PANK1: variants seen among roughly 807,000 people sequenced by gnomAD.
PANK1 encodes pantothenate kinase 1.
A neutral mutation model predicts 40.1 loss-of-function variants in PANK1; 18 were observed. That is an observed-to-expected ratio of 0.45 (90% CI 0.31 to 0.67). The LOEUF (loss-of-function observed/expected upper bound fraction) is 0.67, where lower values mean the gene tolerates loss of function less well. Among genes scored for constraint, PANK1 ranks in the 30% least tolerant of loss-of-function variants. The probability of loss-of-function intolerance (pLI) is 0.06; values close to 1 mark genes in which losing one functional copy is unlikely to be tolerated. For missense variants in PANK1, 457 were observed against 599.6 expected (o/e 0.76, Z 2.48); for synonymous variants, 242 against 237.7 (o/e 1.02, Z -0.17).
At chr10:89,638,281 G>T (rs1254603341) in intron 1 of PANK1, among the ~76,000 whole-genome samples, 1 of 152,150 alleles carries the variant, frequency 6.6e-6, no homozygotes, top group East Asian at 1.9e-4. Context: ...CTATATGTGG[G>T]GCATGACTGT....
At chr10:89,637,461 T>C (rs1841855303) in intron 1 of PANK1, among the ~76,000 whole-genome samples, 1 of 152,240 alleles carries the variant, frequency 6.6e-6, no homozygotes, top group South Asian at 2.1e-4. Context: ...TGTAAACCTG[T>C]ACAGCATGTT....
chr10:89,591,092 G>T (rs891412839), intron 5 of PANK1, among the ~76,000 whole-genome samples: 1 of 151,972 alleles, frequency 6.6e-6, no homozygotes, highest in Non-Finnish European at 1.5e-5. Flanking sequence ...GTATATGGAG[G>T]GTGAATTGTA....
intron 2 of PANK1, among the ~76,000 whole-genome samples, chr10:89,606,342 C>A (rs1203828290): frequency 6.6e-5 from 10 of 152,220 alleles, no homozygotes; most frequent in Non-Finnish European, 8.8e-5. Context: ...AAGGCTATTT[C>A]ATCTATACTG....
rs147087302 is a variant in PANK1, at chr10:89,611,343, G to A, written c.645+353C>T. 7.4e-3 allele frequency among the ~76,000 whole-genome samples: 1,122 copies of A among 152,278 alleles called. 13 individuals are homozygous for A. The highest frequency in any genetic ancestry group is 0.026 in the African/African-American group (1,082 of 41,546). ...TATATATGCATAAAGTTGGCATCAC[G>A]ATTATATAGTAAAAGTCTGTGGTCA... On this transcript the variant is annotated intron_variant, in intron 2 of 6. Coordinates refer to ENST00000307534, the MANE Select transcript of PANK1 (RefSeq NM_148977.3).
intron 4 of PANK1, among the ~76,000 whole-genome samples, chr10:89,593,577 G>A (rs1844473886): frequency 6.6e-6 from 1 of 152,174 alleles, no homozygotes; most frequent in Admixed American, 6.5e-5. Context: ...TGGAACAGGT[G>A]AAACTATTGC....
intron 2 of PANK1, among the ~76,000 whole-genome samples, chr10:89,603,351 T>C (rs1303349973): frequency 2.0e-5 from 3 of 152,162 alleles, no homozygotes; most frequent in South Asian, 2.1e-4. Context: ...TTAGCACTTT[T>C]GGAGAGTATC....
At chr10:89,593,088 G>T in intron 5 of PANK1, 109 bp downstream of exon 5, 1 of 1,114,504 alleles carries the variant, frequency 9.0e-7, no homozygotes, top group Non-Finnish European at 1.3e-6. Context: ...TAGAGTAAAG[G>T]GAAGCTTTCC....
At chr10:89,613,324 C>T (rs530558597) in intron 1 of PANK1, among the ~76,000 whole-genome samples, 40 of 152,102 alleles carry the variant, frequency 2.6e-4, no homozygotes, top group Non-Finnish European at 5.4e-4. Flanking sequence ...TTTATTTCAG[C>T]CCTAGAGAAC....
chr10:89,588,061 T>C (rs1326531208), intron 6 of PANK1, among the ~76,000 whole-genome samples: 1 of 152,212 alleles, frequency 6.6e-6, no homozygotes, highest in Non-Finnish European at 1.5e-5. Context: ...CACAAATAAG[T>C]GAGGACATGT....
intron 1 of PANK1, among the ~76,000 whole-genome samples, chr10:89,630,519 G>A (rs1420673630): frequency 6.7e-6 from 1 of 148,586 alleles, no homozygotes; most frequent in Non-Finnish European, 1.5e-5. Context: ...TTGAGACGGA[G>A]TCTCGCTCTG....
At chr10:89,596,408 G>A (rs1446795255) in intron 3 of PANK1, among the ~76,000 whole-genome samples, 2 of 152,176 alleles carry the variant, frequency 1.3e-5, no homozygotes, top group Non-Finnish European at 2.9e-5. Flanking sequence ...AATGAAAAAG[G>A]GCAAGTGCCT....
In PANK1 at chr10:89,645,160, C is replaced by T; in HGVS notation, c.-269G>A. On this transcript the variant is annotated 5_prime_UTR_variant, in exon 1 of 7. Coordinates refer to ENST00000307534, the MANE Select transcript of PANK1 (RefSeq NM_148977.3). ...CGCGGAATCGGGGATCCCCGCGCAC[C>T]CCCAGCCGGGGCTCCCGCCGCCCGC... 8 of 1,541,236 alleles carry T rather than the reference C, an allele frequency of 5.2e-6. No homozygotes were observed. The highest frequency in any genetic ancestry group is 7.0e-6 in the Non-Finnish European group (8 of 1,147,560).
chr10:89,599,834 T>C (rs1479386025), intron 2 of PANK1, among the ~76,000 whole-genome samples: 1 of 152,074 alleles, frequency 6.6e-6, no homozygotes, highest in Non-Finnish European at 1.5e-5. Flanking sequence ...GTGACTTTAT[T>C]TGGAAAAAGG....
At chr10:89,639,505 G>C (rs1346821539) in intron 1 of PANK1, among the ~76,000 whole-genome samples, 1 of 152,112 alleles carries the variant, frequency 6.6e-6, no homozygotes, top group East Asian at 1.9e-4. Flanking sequence ...TTCCACATTG[G>C]GTTCTTACTA....
At chr10:89,612,514 A>T (rs1008132372) in intron 1 of PANK1, among the ~76,000 whole-genome samples, 1 of 152,220 alleles carries the variant, frequency 6.6e-6, no homozygotes, top group Non-Finnish European at 1.5e-5. Flanking sequence ...GGGTGTACCA[A>T]GAGATGGTAT....
At chr10:89,597,386 G>T (rs915402456) in intron 3 of PANK1, among the ~76,000 whole-genome samples, 3 of 152,110 alleles carry the variant, frequency 2.0e-5, no homozygotes, top group African/African-American at 7.2e-5. Context: ...CCCTGAAAGG[G>T]TTCTCTATTA....
intron 1 of PANK1, among the ~76,000 whole-genome samples, chr10:89,612,487 G>A (rs1268790157): frequency 6.6e-6 from 1 of 152,184 alleles, no homozygotes. Flanking sequence ...AATCCTAGAG[G>A]AAAAACTGAC....
chr10:89,594,127 C>T, intron 3 of PANK1, 138 bp from the exon 4 acceptor site: 1 of 602,940 alleles, frequency 1.7e-6, no homozygotes, highest in Admixed American at 2.7e-5. Flanking sequence ...TGCTAGGGTG[C>T]AACAGAGCTT....
intron 1 of PANK1, among the ~76,000 whole-genome samples, chr10:89,640,956 C>A (rs1315578080): frequency 6.6e-6 from 1 of 152,180 alleles, no homozygotes; most frequent in Admixed American, 6.5e-5. Flanking sequence ...TTAATAGAAT[C>A]CTGATCCTTA....
Sources: gnomAD v4.1 joint callset for allele counts (sites outside exome capture counted in the v4.1 genomes callset) on GRCh38, gnomAD v4.1.1 for gene constraint, MANE v1.5 for transcripts, NCBI Gene and HGNC (gene_info 2026-07-23, HGNC 2026-07-21) for gene names.